FMNL3: variants seen among roughly 807,000 people sequenced by gnomAD.
FMNL3 encodes the protein formin like 3.
In FMNL3, 57 loss-of-function variants were observed where a neutral mutation model predicts 119.6. That is an observed-to-expected ratio of 0.48 (90% CI 0.39 to 0.59). The LOEUF (loss-of-function observed/expected upper bound fraction) is 0.59. FMNL3 is among the 20% of genes least tolerant of loss of function. FMNL3 has a pLI of 0.00. For synonymous variants in FMNL3, 491 were observed against 507.3 expected (o/e 0.97, Z 0.43); for missense variants, 1,053 against 1,323.5 (o/e 0.80, Z 3.17).
chr12:49,641,163 G>A lies in FMNL3; in HGVS notation c.*4652C>T, dbSNP rs1200152136. The A allele has an allele frequency of 6.6e-6, 1 of 152,200 alleles. No individual in the cohort carries two copies. Among genetic ancestry groups the A allele is most frequent in the African/African-American group, 2.4e-5 (1 of 41,432 alleles). 9.4% of individuals were successfully genotyped at this position (152,200 alleles called of 1,614,324 possible). ...ACTTTTCTAAGCCTCTGCTTCACTG[G>A]AATGTTGTGAGGCCTAAATGAGAAG... On this transcript the variant is annotated 3_prime_UTR_variant, in exon 26 of 26. Transcript: ENST00000335154.
At position 49,644,111 on chromosome 12, in the gene FMNL3, C is replaced by A. The variant is rs1480970957; in HGVS notation, c.*1704G>T. 6.2e-7 allele frequency: 1 copy of A among 1,614,156 alleles called. No individual in the cohort carries two copies. The highest frequency in any genetic ancestry group is 1.7e-5 in the Admixed American group (1 of 60,030). On this transcript the variant is annotated 3_prime_UTR_variant, in exon 26 of 26. Coordinates refer to ENST00000335154, the MANE Select transcript of FMNL3 (RefSeq NM_175736.5). ...CTTTGCTCCAACAGACAGGCTGGGA[C>A]ACGTCAGAAAGTGAGCTGAGTGAGG...
At chr12:49,660,059 A>C in intron 5 of FMNL3, 1 of 636,876 alleles carries the variant, frequency 1.6e-6, no homozygotes, top group Non-Finnish European at 2.0e-6. Context: ...TGGGGCTCTC[A>C]AGTAGACATC....
intron 1 of FMNL3, among the ~76,000 whole-genome samples, chr12:49,681,033 C>T (rs1309762437): frequency 2.0e-5 from 3 of 152,182 alleles, no homozygotes. Context: ...ACAATGCTTC[C>T]CTATTCTGCA....
At chr12:49,683,427 A>AATCT (rs1313392894) in intron 1 of FMNL3, among the ~76,000 whole-genome samples, 3 of 152,096 alleles carry the variant, frequency 2.0e-5, no homozygotes, top group Non-Finnish European at 4.4e-5. Context: ...GCAAGCTAGA[A>AATCT]ATCTGGGTGC....
rs1942328369 is a variant in FMNL3 at position 49,639,645 on chromosome 12, T to C, written c.*6170A>G. 6.6e-6 allele frequency: 1 copy of C among 152,150 alleles called. No individual in the cohort carries two copies. The highest frequency in any genetic ancestry group is 2.1e-4 in the South Asian group (1 of 4,824). The allele number at this position is 152,150 out of a possible 1,614,324, so 9.4% of individuals were successfully genotyped here. A position where few individuals can be genotyped will look rare whatever the true frequency, so the allele number is the denominator to read the frequency against. ...GAATCTTTTTTATGCATAAAGGTTC[T>C]ACATAAGATTTCTATTTTAATAAAC... On this transcript the variant is annotated 3_prime_UTR_variant, in exon 26 of 26. Coordinates refer to ENST00000335154, the MANE Select transcript of FMNL3 (RefSeq NM_175736.5).
chr12:49,649,173 G>C lies in FMNL3; in HGVS notation c.2386-15C>G. The C allele has an allele frequency of 6.2e-7, 1 of 1,612,276 alleles. No individual in the cohort carries two copies. Among genetic ancestry groups the C allele is most frequent in the Admixed American group, 1.7e-5 (1 of 59,898 alleles). ...GTATCCAGCAGCTAGGAGAGGGGGTGAGGGCGGTGCACAAGAGCTAAGCAC... is the reference window on the plus strand; with the variant it reads ...GTATCCAGCAGCTAGGAGAGGGGGTCAGGGCGGTGCACAAGAGCTAAGCAC... On this transcript the variant is annotated splice_polypyrimidine_tract_variant and intron_variant, in intron 20 of 25. Transcript: ENST00000335154. The surrounding 1 kb of genome is among the most constrained non-coding windows in gnomAD (Gnocchi z 5.6).
intron 2 of FMNL3, among the ~76,000 whole-genome samples, chr12:49,666,939 A>T (rs1943908184): frequency 6.6e-6 from 1 of 152,110 alleles, no homozygotes; most frequent in Non-Finnish European, 1.5e-5. Context: ...TGCAGTTGGG[A>T]CTGGAATGGT....
In FMNL3 at chr12:49,638,815, C is replaced by T. The variant is rs774524877; in HGVS notation, c.*7000G>A. The T allele has an allele frequency of 3.6e-4, 55 of 152,222 alleles. No homozygotes were observed. Among genetic ancestry groups the T allele is most frequent in the Admixed American group, 9.2e-4 (14 of 15,286 alleles). 9.4% of individuals were successfully genotyped at this position (152,222 alleles called of 1,614,324 possible). On this transcript the variant is annotated 3_prime_UTR_variant, in exon 26 of 26. Coordinates refer to ENST00000335154, the MANE Select transcript of FMNL3 (RefSeq NM_175736.5). ...CATCTAAAAAATGGTGAGTGTTCCA[C>T]CAGAGTACACCTAATTACAGAGATT...
At chr12:49,665,061 G>A (rs530568147) in intron 4 of FMNL3, among the ~76,000 whole-genome samples, 14 of 151,900 alleles carry the variant, frequency 9.2e-5, no homozygotes, top group Non-Finnish European at 1.3e-4. Context: ...GCACACATAC[G>A]CACACATATA....
In FMNL3 at chr12:49,637,853, ACAGGATGGATG is replaced by A; in HGVS notation, c.*7951_*7961del. On this transcript the variant is annotated 3_prime_UTR_variant, in exon 26 of 26. Transcript: ENST00000335154. ...AGGGAGGCTGGGGTTATGGATGGAT[ACAGGATGGATG>A]CAGGGCACACTCCCTGCAGAGGACT... The A allele has an allele frequency of 1.3e-6, 2 of 1,541,282 alleles. No homozygotes were observed. Among genetic ancestry groups the A allele is most frequent in the South Asian group, 1.1e-5 (1 of 88,496 alleles).
chr12:49,650,613 C>G (rs2138730914), intron 17 of FMNL3, 63 bp downstream of exon 17: 3 of 1,578,228 alleles, frequency 1.9e-6, no homozygotes, highest in Non-Finnish European at 2.6e-6. Context: ...AACCCAGGCT[C>G]CTGGGTGGAG....
Position 49,642,060 on chromosome 12 carries a change from T to C in FMNL3, c.*3755A>G. The C allele has an allele frequency of 1.2e-6, 2 of 1,607,200 alleles. No individual in the cohort carries two copies. The highest frequency in any genetic ancestry group is 1.1e-5 in the South Asian group (1 of 90,996). ...GGGCGGGGCGTGGGAAGTTCTCTAA[T>C]TCATCTGTGTCTTGCTCCATTCCTT... On this transcript the variant is annotated 3_prime_UTR_variant, in exon 26 of 26. Coordinates refer to ENST00000335154, the MANE Select transcript of FMNL3 (RefSeq NM_175736.5). This position sits in a 1 kb window ranked among gnomAD's most constrained non-coding sequence, Gnocchi z 5.8.
chr12:49,695,438 T>A (rs1462806582), intron 1 of FMNL3, among the ~76,000 whole-genome samples: 1 of 152,130 alleles, frequency 6.6e-6, no homozygotes, highest in Admixed American at 6.5e-5. Flanking sequence ...AAGGCCTAAG[T>A]TAGTGACATT....
Position 49,665,895 on chromosome 12 carries a change from C to T in FMNL3, c.305G>A (p.Arg102Lys), listed in dbSNP as rs778620365. 6.2e-7 allele frequency: 1 copy of T among 1,614,226 alleles called. No individual in the cohort carries two copies. Among genetic ancestry groups the T allele is most frequent in the South Asian group, 1.1e-5 (1 of 91,088 alleles). ...TAGTACTTTGGTTGACTCCTGCACCCTCCTCCTGAACTTCTGTAAAAAGGG... is the reference window on the plus strand; with the variant it reads ...TAGTACTTTGGTTGACTCCTGCACCTTCCTCCTGAACTTCTGTAAAAAGGG... The part of the protein sequence containing the change: ...PSVTRKKFRR[R>K]VQESTKVLRE... The change falls in exon 4 of 26, where the codon AGG becomes AAG. Residue 102 changes from arginine to lysine, a missense_variant. By Grantham distance (26) the Arg-to-Lys change is conservative (BLOSUM62 2). Around this residue, in one of 4 missense-constraint regions of FMNL3, gnomAD observed 264 missense variants for 265.5 expected, o/e 0.99. Transcript: ENST00000335154.
At chr12:49,688,489 A>G (rs1352295283) in intron 1 of FMNL3, 1 of 456,086 alleles carries the variant, frequency 2.2e-6, no homozygotes, top group Admixed American at 2.3e-5. Flanking sequence ...CTTGTAGACC[A>G]GTCTGGCCTT....
intron 1 of FMNL3, among the ~76,000 whole-genome samples, chr12:49,676,087 C>T (rs1204363018): frequency 6.6e-6 from 1 of 152,146 alleles, no homozygotes; most frequent in Non-Finnish European, 1.5e-5. Context: ...ATAATCAGCC[C>T]CTCTCTTGAG....
In FMNL3 at chr12:49,643,962, G is replaced by A. The variant is rs35275181; in HGVS notation, c.*1853C>T. On this transcript the variant is annotated 3_prime_UTR_variant, in exon 26 of 26. Coordinates refer to ENST00000335154, the MANE Select transcript of FMNL3 (RefSeq NM_175736.5). ...AGGACAGGGAGCTCCAACAGGCAGA[G>A]CTCCCTAACCGTTCCCCAGGCTTTG... 27,416 of 1,614,206 alleles carry A rather than the reference G, an allele frequency of 0.017. 385 individuals carry two copies. Among genetic ancestry groups the A allele is most frequent in the East Asian group, 0.054 (2,442 of 44,882 alleles).
chr12:49,689,233 G>T lies in FMNL3; in HGVS notation c.126+17822C>A, dbSNP rs572924541. Among the ~76,000 whole-genome samples the T allele has an allele frequency of 2.0e-5, 3 of 152,222 alleles. No individual in the cohort carries two copies. In the South Asian group the frequency reaches 6.2e-4, roughly 32 times the overall value. The stretch of plus-strand genomic sequence containing the variant: ...CATTTGAAGACTTCTGCAGTTCAAG[G>T]GTAACACATGGGATCATTTTCTATC... On this transcript the variant is annotated intron_variant, in intron 1 of 25. Coordinates refer to ENST00000335154, the MANE Select transcript of FMNL3 (RefSeq NM_175736.5).
At chr12:49,664,443 A>G (rs1043115003) in intron 4 of FMNL3, among the ~76,000 whole-genome samples, 5 of 152,142 alleles carry the variant, frequency 3.3e-5, no homozygotes, top group African/African-American at 1.2e-4. Flanking sequence ...AAGGGCTGAG[A>G]GGGACAGAAG....
Sources: gnomAD v4.1 joint callset for allele counts (sites outside exome capture counted in the v4.1 genomes callset) on GRCh38, gnomAD v4.1.1 for gene constraint, gnomAD v4.1.1 regional missense constraint, Gnocchi (gnomAD v3.1) non-coding constraint, MANE v1.5 for transcripts, NCBI Gene and HGNC (gene_info 2026-07-23, HGNC 2026-07-21) for gene names.